Variants in SH3D19 observed in about 807,000 individuals in gnomAD.
The protein encoded by SH3D19 is SH3 domain-containing protein 19.
A neutral mutation model predicts 112.1 loss-of-function variants in SH3D19; 58 were observed. That is an observed-to-expected ratio of 0.52 (90% CI 0.42 to 0.64). The LOEUF is 0.64. Among genes scored for constraint, SH3D19 ranks in the 30% least tolerant of loss-of-function variants. The probability of loss-of-function intolerance (pLI) is 0.00; values close to 1 mark genes in which losing one functional copy is unlikely to be tolerated. For missense variants in SH3D19, 1,090 were observed against 1,263.4 expected, an observed-to-expected ratio of 0.86 and a Z score of 2.08; for synonymous variants, 391 against 448.5, an observed-to-expected ratio of 0.87 and a Z score of 1.62.
intron 2 of SH3D19, among the ~76,000 whole-genome samples, chr4:151,192,898 G>A (rs887496646): frequency 2.6e-5 from 4 of 151,256 alleles, no homozygotes; most frequent in Non-Finnish European, 5.9e-5. Context: ...TTTCAATTAT[G>A]TTCTTTATAA....
At chr4:151,127,253 A>G (rs1392684561) in intron 19 of SH3D19, among the ~76,000 whole-genome samples, 8 of 152,200 alleles carry the variant, frequency 5.3e-5, no homozygotes, top group Admixed American at 5.2e-4. Context: ...TCAATTTCAA[A>G]GACACATCAA....
At chr4:151,228,856 CT>C (rs60356486) in intron 1 of SH3D19, among the ~76,000 whole-genome samples, 10 of 147,078 alleles carry the variant, frequency 6.8e-5, no homozygotes, top group African/African-American at 2.0e-4. Context: ...TTTTTCTTTT[CT>C]TTTTTTTTTT....
At chr4:151,197,875 A>C (rs180769155) in intron 2 of SH3D19, among the ~76,000 whole-genome samples, 1 of 152,338 alleles carries the variant, frequency 6.6e-6, no homozygotes, top group African/African-American at 2.4e-5. Context: ...GTCAGTTTGA[A>C]GCCAAGGCTT....
chr4:151,177,192 C>T (rs2149830930), intron 4 of SH3D19, among the ~76,000 whole-genome samples: 1 of 152,268 alleles, frequency 6.6e-6, no homozygotes, highest in South Asian at 2.1e-4. Flanking sequence ...AGAGTTGGAC[C>T]CTGGGCACAC....
At chr4:151,221,037 C>G (rs1394276884) in intron 2 of SH3D19, among the ~76,000 whole-genome samples, 1 of 152,192 alleles carries the variant, frequency 6.6e-6, no homozygotes, top group Non-Finnish European at 1.5e-5. Flanking sequence ...TCAAAAACCA[C>G]CCAGGATGCC....
chr4:151,265,408 G>A (rs1003469746), intron 1 of SH3D19, among the ~76,000 whole-genome samples: 2 of 151,064 alleles, frequency 1.3e-5, no homozygotes, highest in Non-Finnish European at 2.9e-5. Context: ...TCTAGATAGT[G>A]GAGCCAAAAA....
At chr4:151,194,682 C>T (rs1376515006) in intron 2 of SH3D19, among the ~76,000 whole-genome samples, 1 of 151,734 alleles carries the variant, frequency 6.6e-6, no homozygotes, top group Non-Finnish European at 1.5e-5. Flanking sequence ...TCCCAAAGTG[C>T]TGGGATCACA....
chr4:151,310,626 C>T (rs373473628), intron 1 of SH3D19, among the ~76,000 whole-genome samples: 12 of 150,940 alleles, frequency 8.0e-5, no homozygotes, highest in African/African-American at 2.9e-4. Context: ...GGCTGGAGTG[C>T]AGTGGTAGGA....
intron 1 of SH3D19, among the ~76,000 whole-genome samples, chr4:151,306,062 ATTTAATATTCTAGG>A: frequency 6.6e-6 from 1 of 152,200 alleles, no homozygotes; most frequent in South Asian, 2.1e-4. Flanking sequence ...GAATTCATTT[ATTTAATATTCTAGG>A]AAAGGCAAAA....
intron 2 of SH3D19, among the ~76,000 whole-genome samples, chr4:151,223,117 T>C (rs1768377566): frequency 6.6e-6 from 1 of 151,054 alleles, no homozygotes; most frequent in Non-Finnish European, 1.5e-5. Context: ...GGTCTCTCCA[T>C]TGAAATGGTA....
chr4:151,196,189 A>G (rs10776523), intron 2 of SH3D19, among the ~76,000 whole-genome samples: 125,281 of 152,168 alleles, frequency 0.82, 53,419 homozygotes, highest in Non-Finnish European at 0.95. Context: ...AGGCCCATCA[A>G]GGTCCATATT....
intron 1 of SH3D19, among the ~76,000 whole-genome samples, chr4:151,315,438 T>C (rs939144534): frequency 6.6e-6 from 1 of 152,224 alleles, no homozygotes; most frequent in African/African-American, 2.4e-5. Flanking sequence ...CAGAGGACTC[T>C]AGTGTAAATG....
At chr4:151,309,903 T>C (rs1561451015) in intron 1 of SH3D19, among the ~76,000 whole-genome samples, 1 of 152,158 alleles carries the variant, frequency 6.6e-6, no homozygotes, top group East Asian at 1.9e-4. Context: ...GGTGGGAGGA[T>C]TTCTTGAGCC....
intron 1 of SH3D19, among the ~76,000 whole-genome samples, chr4:151,253,733 T>G (rs996539251): frequency 9.2e-5 from 8 of 86,962 alleles, no homozygotes; most frequent in African/African-American, 3.2e-4. Context: ...AGAGCGAGAC[T>G]CCGTCTCAAA....
chr4:151,171,936 GTTT>G (rs1759134009), intron 7 of SH3D19, among the ~76,000 whole-genome samples: 1 of 152,032 alleles, frequency 6.6e-6, no homozygotes, highest in Non-Finnish European at 1.5e-5. Flanking sequence ...TAAATTGCCT[GTTT>G]TATGAGTTTT....
intron 17 of SH3D19, 124 bp downstream of exon 17, chr4:151,132,207 C>T: frequency 2.7e-6 from 2 of 753,688 alleles, no homozygotes; most frequent in East Asian, 2.7e-5. Flanking sequence ...GAATTTATTA[C>T]AAACATTTGT....
Position 151,137,701 on chromosome 4 carries a change from G to A in SH3D19, c.2427+31C>T, listed in dbSNP as rs759944138. The A allele has an allele frequency of 5.1e-6, 8 of 1,555,130 alleles. No individual in the cohort carries two copies. In the African/African-American group the frequency reaches 8.3e-5, roughly 16 times the overall value. On this transcript the variant is annotated intron_variant, in intron 14 of 19. Coordinates refer to ENST00000604030, the MANE Select transcript of SH3D19 (RefSeq NM_001378122.1). ...GTCACATAGAACCCACTGAGTATAT[G>A]ACCAAATTAAAACAAACACAACCCA...
intron 2 of SH3D19, among the ~76,000 whole-genome samples, chr4:151,198,482 C>T (rs923674571): frequency 2.1e-5 from 3 of 145,112 alleles, no homozygotes; most frequent in African/African-American, 5.0e-5. Flanking sequence ...AAAATATATA[C>T]GTATCTTTCA....
intron 19 of SH3D19, among the ~76,000 whole-genome samples, chr4:151,122,610 C>T (rs370414543): frequency 3.3e-5 from 5 of 151,898 alleles, no homozygotes; most frequent in Middle Eastern, 3.2e-3. Flanking sequence ...CATTCTACAA[C>T]GGGAAGGCAA....
Sources: gnomAD v4.1 joint callset for allele counts (sites outside exome capture counted in the v4.1 genomes callset) on GRCh38, gnomAD v4.1.1 for gene constraint, MANE v1.5 for transcripts, NCBI Gene and HGNC (gene_info 2026-07-23, HGNC 2026-07-21) for gene names.